Variants in TNS3 observed in about 807,000 individuals in gnomAD.
TNS3 encodes the protein tensin 3.
In TNS3, 45 loss-of-function variants were observed where a neutral mutation model predicts 140.9. The ratio of observed to expected loss-of-function variants is 0.32; its 90% CI spans 0.25 to 0.41. The LOEUF (loss-of-function observed/expected upper bound fraction) is 0.41. Among genes scored for constraint, TNS3 ranks in the 10% least tolerant of loss-of-function variants. The pLI, the probability that TNS3 is intolerant of heterozygous loss-of-function variation, is 1.00. For missense variants in TNS3, 1,716 were observed against 1,906.7 expected, an observed-to-expected ratio of 0.90 and a Z score of 1.86; for synonymous variants, 815 against 788.4, an observed-to-expected ratio of 1.03 and a Z score of -0.56.
intron 21 of TNS3, among the ~76,000 whole-genome samples, chr7:47,304,051 G>A (rs1786595750): frequency 6.6e-6 from 1 of 152,202 alleles, no homozygotes; most frequent in Non-Finnish European, 1.5e-5. Context: ...GCACTAGGCA[G>A]GGATGCCACC....
chr7:47,562,111 C>T (rs1454120219), intron 1 of TNS3, among the ~76,000 whole-genome samples: 1 of 152,206 alleles, frequency 6.6e-6, no homozygotes, highest in Non-Finnish European at 1.5e-5. Context: ...AAACATTTCT[C>T]CATTGCAGTA....
At chr7:47,326,433 C>A (rs1220912041) in intron 20 of TNS3, among the ~76,000 whole-genome samples, 1 of 152,154 alleles carries the variant, frequency 6.6e-6, no homozygotes, top group Non-Finnish European at 1.5e-5. Context: ...TACAATTACT[C>A]TGCCCCTACA....
At chr7:47,382,841 T>G (rs1300614606) in intron 16 of TNS3, among the ~76,000 whole-genome samples, 1 of 152,190 alleles carries the variant, frequency 6.6e-6, no homozygotes, top group African/African-American at 2.4e-5. Context: ...TGCATATAAG[T>G]GGACTCACAC....
chr7:47,457,107 AAAGGG>A (rs1796277423), intron 4 of TNS3, among the ~76,000 whole-genome samples: 1 of 81,860 alleles, frequency 1.2e-5, no homozygotes, highest in African/African-American at 4.3e-5. Flanking sequence ...GTGTGCTGGT[AAAGGG>A]GAGGGGAGGG....
chr7:47,434,020 G>A (rs995487508), intron 8 of TNS3, among the ~76,000 whole-genome samples: 1 of 152,088 alleles, frequency 6.6e-6, no homozygotes, highest in Non-Finnish European at 1.5e-5. Context: ...GTCCTAATGG[G>A]TGTACCTGTC....
chr7:47,298,670 GATGCCCCCGGC>G (rs1353828673), intron 23 of TNS3, among the ~76,000 whole-genome samples: 1 of 152,244 alleles, frequency 6.6e-6, no homozygotes, highest in Non-Finnish European at 1.5e-5. Flanking sequence ...TAAGTGCTGG[GATGCCCCCGGC>G]ATGCCTCAGT....
At chr7:47,353,333 G>C (rs1015644114) in intron 17 of TNS3, among the ~76,000 whole-genome samples, 9 of 152,210 alleles carry the variant, frequency 5.9e-5, no homozygotes, top group African/African-American at 2.2e-4. Flanking sequence ...CCAGGCCACA[G>C]GTTAGGAGCC....
At chr7:47,450,752 A>ACCCAAGCACC (rs1795977243) in intron 4 of TNS3, among the ~76,000 whole-genome samples, 1 of 152,180 alleles carries the variant, frequency 6.6e-6, no homozygotes, top group Non-Finnish European at 1.5e-5. Flanking sequence ...AGGGGCCAAT[A>ACCCAAGCACC]TGGGTGCAGG....
intron 16 of TNS3, among the ~76,000 whole-genome samples, chr7:47,373,532 T>C (rs1032491261): frequency 6.6e-6 from 1 of 152,224 alleles, no homozygotes; most frequent in Admixed American, 6.5e-5. Context: ...ACTGCAGGCA[T>C]GCACCTGCCC....
intron 27 of TNS3, 50 bp from the exon 28 acceptor site, chr7:47,283,915 T>C: frequency 6.7e-7 from 1 of 1,486,664 alleles, no homozygotes; most frequent in East Asian, 2.4e-5. Context: ...TTGGGACAGG[T>C]GTGTCCTGTT....
intron 1 of TNS3, among the ~76,000 whole-genome samples, chr7:47,578,213 T>C (rs1250400807): frequency 6.6e-6 from 1 of 151,946 alleles, no homozygotes; most frequent in Non-Finnish European, 1.5e-5. Context: ...CTTGGGAGGC[T>C]GAGGCTGAAT....
At chr7:47,294,164 A>G (rs890204130) in intron 24 of TNS3, among the ~76,000 whole-genome samples, 13 of 148,786 alleles carry the variant, frequency 8.7e-5, no homozygotes, top group African/African-American at 3.1e-4. Flanking sequence ...AAAGAGGATC[A>G]TGAATCTCCA....
intron 20 of TNS3, among the ~76,000 whole-genome samples, chr7:47,321,579 CCA>C (rs1787739665): frequency 6.6e-6 from 1 of 152,210 alleles, no homozygotes; most frequent in Non-Finnish European, 1.5e-5. Context: ...TTACAGCAAT[CCA>C]CAGTCTCTGC....
In TNS3 at chr7:47,303,258, G is replaced by C. The variant is rs200105779; in HGVS notation, c.3149C>G (p.Thr1050Ser). 1 of 1,613,758 alleles carries C rather than the reference G, an allele frequency of 6.2e-7. No individual in the cohort carries two copies. The highest frequency in any genetic ancestry group is 1.7e-5 in the Admixed American group (1 of 60,018). The change falls in exon 22 of 31, where the codon ACC becomes AGC. Residue 1050 changes from threonine to serine, a missense_variant. Thr to Ser is a moderately conservative substitution (Grantham distance 58, BLOSUM62 1). This residue lies in a region of TNS3 where 1,163 missense variants were observed against 1,182.1 expected (regional missense o/e 0.98). Coordinates refer to ENST00000311160, the MANE Select transcript of TNS3 (RefSeq NM_022748.12). ...LLANSHGASP[T>S]PSIPLTATGA... ...TGTCGCTGTCAGCGGGATGCTGGGG[G>C]TCGGTGACGCTCCATGAGAATTGGC... is the stretch of plus-strand genomic sequence containing the variant.
At chr7:47,408,219 C>T (rs1363861548) in intron 13 of TNS3, among the ~76,000 whole-genome samples, 1 of 152,064 alleles carries the variant, frequency 6.6e-6, no homozygotes, top group Admixed American at 6.5e-5. Flanking sequence ...CTCCTTCACC[C>T]ACTCACGGCC....
chr7:47,562,640 C>G (rs1422113575), intron 1 of TNS3, among the ~76,000 whole-genome samples: 1 of 152,164 alleles, frequency 6.6e-6, no homozygotes, highest in Non-Finnish European at 1.5e-5. Context: ...CCGCCTTGGT[C>G]TCCCAAAGTG....
At chr7:47,546,853 C>T (rs1279860547) in intron 1 of TNS3, among the ~76,000 whole-genome samples, 1 of 152,152 alleles carries the variant, frequency 6.6e-6, no homozygotes, top group Admixed American at 6.5e-5. Flanking sequence ...GCGCTCAGCA[C>T]CCGCCTGGTA....
intron 2 of TNS3, among the ~76,000 whole-genome samples, chr7:47,524,231 C>T (rs334520): frequency 0.99 from 151,118 of 152,292 alleles, 74,992 homozygotes; most frequent in East Asian, 1. Context: ...CACCCCTCCC[C>T]GAGTCCCAGC....
chr7:47,350,547 G>C (rs972888314), intron 17 of TNS3, among the ~76,000 whole-genome samples: 1 of 152,198 alleles, frequency 6.6e-6, no homozygotes, highest in African/African-American at 2.4e-5. Context: ...AGAGAGGGCA[G>C]CTTGCTCAAG....
Sources: gnomAD v4.1 joint callset for allele counts (sites outside exome capture counted in the v4.1 genomes callset) on GRCh38, gnomAD v4.1.1 for gene constraint, gnomAD v4.1.1 regional missense constraint, MANE v1.5 for transcripts, NCBI Gene and HGNC (gene_info 2026-07-23, HGNC 2026-07-21) for gene names.